The following PHIP variants were observed in gnomAD, a reference collection of about 807,000 sequenced individuals.
PHIP encodes the protein PH-interacting protein.
PHIP carries 54 observed loss-of-function variants against 236.8 expected under a neutral mutation model. That is an observed-to-expected ratio of 0.23 (90% CI 0.18 to 0.29). The LOEUF (loss-of-function observed/expected upper bound fraction) is 0.29, where lower values mean the gene tolerates loss of function less well. Ranked by LOEUF, PHIP falls within the 10% of genes least tolerant of loss-of-function variation. PHIP has a pLI of 1.00. For missense variants in PHIP, 1,370 were observed against 2,190.8 expected (o/e 0.63, Z 7.48); for synonymous variants, 756 against 718.9 (o/e 1.05, Z -0.83).
In PHIP at chr6:78,946,056, TG is replaced by T; in HGVS notation, c.4574del (p.Ser1525Ter). 1 of 1,612,744 alleles carries T rather than the reference TG, an allele frequency of 6.2e-7. No homozygotes were observed. The highest frequency in any genetic ancestry group is 8.5e-7 in the Non-Finnish European group (1 of 1,178,698). On this transcript the variant is annotated frameshift_variant, in exon 38 of 40. Coordinates refer to ENST00000275034, the MANE Select transcript of PHIP (RefSeq NM_017934.7). LOFTEE classifies it high-confidence loss of function. ...PVVTEQPSTS[S>X]AAKTFITKAN... ...CTTTTGTAATAAAAGTCTTTGCAGC[TG>T]AAGAAGTAGATGGTTGCTCAGTGAC...
chr6:78,982,936 CT>C lies in PHIP; in HGVS notation c.2718del (p.Asp907MetfsTer24). The stretch of plus-strand genomic sequence containing the variant: ...TTTTTCTTTGGTGATATTGGTCCAT[CT>C]TTTTCTTCATTTACTTTTTTCTTTT... ...KKEKKKVNEE[K>X]DGPISPKKKK... On this transcript the variant is annotated frameshift_variant, in exon 23 of 40. Coordinates refer to ENST00000275034, the MANE Select transcript of PHIP (RefSeq NM_017934.7). LOFTEE classifies it high-confidence loss of function. The C allele has an allele frequency of 6.3e-7, 1 of 1,598,608 alleles. No individual in the cohort carries two copies. Among genetic ancestry groups the C allele is most frequent in the Admixed American group, 1.7e-5 (1 of 57,962 alleles).
chr6:79,031,060 C>T (rs183072278), intron 7 of PHIP, among the ~76,000 whole-genome samples: 40 of 152,222 alleles, frequency 2.6e-4, no homozygotes, highest in Admixed American at 1.7e-3. Context: ...TCTCCTGCCT[C>T]AGCCTCCAGA....
At chr6:79,058,872 G>T (rs1316805607) in intron 6 of PHIP, among the ~76,000 whole-genome samples, 1 of 151,962 alleles carries the variant, frequency 6.6e-6, no homozygotes, top group African/African-American at 2.4e-5. Flanking sequence ...TCAAAGACAG[G>T]ATAAACTTTT....
chr6:79,016,216 G>A (rs1295037040), intron 13 of PHIP, among the ~76,000 whole-genome samples: 1 of 151,940 alleles, frequency 6.6e-6, no homozygotes, highest in African/African-American at 2.4e-5. Context: ...ATCTTGGCTT[G>A]AAGAAACCAT....
At chr6:79,029,711 C>T (rs1039407460) in intron 7 of PHIP, among the ~76,000 whole-genome samples, 2 of 152,066 alleles carry the variant, frequency 1.3e-5, no homozygotes, top group African/African-American at 4.8e-5. Flanking sequence ...TGTATCTTTA[C>T]TAGAGATGGG....
Position 78,985,358 on chromosome 6 carries a change from C to T in PHIP, c.2531G>A (p.Ser844Asn), listed in dbSNP as rs1025138658. Residue 844 changes from serine (S) to asparagine (N), a missense_variant, in exon 22 of 40, where the codon AGT becomes AAT. Ser to Asn is a conservative substitution (Grantham distance 46, BLOSUM62 1). Coordinates refer to ENST00000275034, the MANE Select transcript of PHIP (RefSeq NM_017934.7). Reference protein sequence around the residue: ...EEERAWHSDGSSSDYSSDYSD... With the variant: ...EEERAWHSDGNSSDYSSDYSD... ...ATAAAAAGCATTCATTTACCTAGAA[C>T]TGCCATCACTGTGCCATGCTCTCTC... The T allele has an allele frequency of 2.6e-6, 4 of 1,556,690 alleles. No homozygotes were observed. Among genetic ancestry groups the T allele is most frequent in the Non-Finnish European group, 3.5e-6 (4 of 1,128,218 alleles).
chr6:78,947,807 T>C (rs772288665), intron 35 of PHIP, 32 bp from the exon 36 acceptor site: 11 of 1,506,222 alleles, frequency 7.3e-6, no homozygotes, highest in Middle Eastern at 1.7e-4. Context: ...GTGTTATGAT[T>C]ATTACTACAC....
At chr6:78,954,268 A>T (rs1582098693) in intron 35 of PHIP, among the ~76,000 whole-genome samples, 2 of 147,048 alleles carry the variant, frequency 1.4e-5, no homozygotes, top group African/African-American at 5.0e-5. Flanking sequence ...CGCCTGGCTA[A>T]TTTTTTTTTT....
chr6:79,061,811 T>G (rs758936782), intron 4 of PHIP, among the ~76,000 whole-genome samples: 2 of 152,166 alleles, frequency 1.3e-5, no homozygotes, highest in Non-Finnish European at 2.9e-5. Flanking sequence ...ATGGCAACTT[T>G]AACATGAATT....
At chr6:78,954,062 T>A (rs1766240633) in intron 35 of PHIP, among the ~76,000 whole-genome samples, 1 of 152,190 alleles carries the variant, frequency 6.6e-6, no homozygotes, top group Non-Finnish European at 1.5e-5. Flanking sequence ...TACAATAATG[T>A]CACCTTACAT....
At chr6:79,031,668 A>T (rs991783260) in intron 7 of PHIP, among the ~76,000 whole-genome samples, 2 of 152,246 alleles carry the variant, frequency 1.3e-5, no homozygotes, top group Non-Finnish European at 2.9e-5. Flanking sequence ...CCTTAAAAAC[A>T]GTCAACACAC....
At chr6:79,059,591 TTA>T (rs72226338) in intron 6 of PHIP, among the ~76,000 whole-genome samples, 4,330 of 84,662 alleles carry the variant, frequency 0.051, 235 homozygotes, top group African/African-American at 0.14. Context: ...GAAAGCAAAA[TTA>T]TATATATATA....
chr6:78,963,688 A>G (rs1000177442), intron 29 of PHIP, among the ~76,000 whole-genome samples: 1 of 152,218 alleles, frequency 6.6e-6, no homozygotes, highest in Non-Finnish European at 1.5e-5. Flanking sequence ...GAGAATTATG[A>G]AAACTGACAA....
At chr6:79,063,706 C>T (rs1481563768) in intron 4 of PHIP, among the ~76,000 whole-genome samples, 3 of 152,134 alleles carry the variant, frequency 2.0e-5, no homozygotes, top group Non-Finnish European at 2.9e-5. Context: ...TGAGCCACAG[C>T]GTCCGGCCAA....
intron 24 of PHIP, among the ~76,000 whole-genome samples, chr6:78,978,206 C>G (rs1768253617): frequency 6.6e-6 from 1 of 152,022 alleles, no homozygotes; most frequent in South Asian, 2.1e-4. Context: ...AACACTAACA[C>G]TTTTTGAAAT....
intron 17 of PHIP, among the ~76,000 whole-genome samples, chr6:79,000,187 G>A (rs1438837488): frequency 6.6e-6 from 1 of 151,852 alleles, no homozygotes; most frequent in Non-Finnish European, 1.5e-5. Context: ...GACTCAATAA[G>A]TCTAAAATAT....
chr6:79,070,859 T>C lies in PHIP; in HGVS notation c.189+6589A>G, dbSNP rs141814794. Among the ~76,000 whole-genome samples the C allele has an allele frequency of 2.4e-3, 359 of 152,360 alleles. 1 individual carries two copies. Among genetic ancestry groups the C allele is most frequent in the African/African-American group, 8.3e-3 (344 of 41,594 alleles). On this transcript the variant is annotated intron_variant, in intron 4 of 39. Transcript: ENST00000275034. ...TACAATGTATTTTAAAAATTTTTTA[T>C]GTATTTTTTTCTAAACTATTTTGAT...
intron 27 of PHIP, among the ~76,000 whole-genome samples, chr6:78,966,296 G>A (rs1484250648): frequency 1.3e-5 from 2 of 152,052 alleles, no homozygotes; most frequent in African/African-American, 2.4e-5. Flanking sequence ...ATTTCATTAA[G>A]GTATACAGAA....
At chr6:79,037,320 T>A (rs142834274) in intron 7 of PHIP, among the ~76,000 whole-genome samples, 1 of 152,266 alleles carries the variant, frequency 6.6e-6, no homozygotes, top group African/African-American at 2.4e-5. Flanking sequence ...CATGACCAGA[T>A]CCAGGTCATA....
Sources: allele counts gnomAD v4.1 joint callset (sites outside exome capture counted in the v4.1 genomes callset), GRCh38; gene constraint gnomAD v4.1.1; transcripts MANE v1.5; gene names NCBI Gene and HGNC (gene_info 2026-07-23, HGNC 2026-07-21).